FGF13: variants seen among roughly 807,000 people sequenced by gnomAD.
FGF13 encodes fibroblast growth factor homologous factor 2.
FGF13 carries 2 observed loss-of-function variants against 19.5 expected under a neutral mutation model. That is an observed-to-expected ratio of 0.10 (90% CI 0.04 to 0.32). FGF13 has a LOEUF of 0.32. Among genes scored for constraint, FGF13 ranks in the 10% least tolerant of loss-of-function variants. The pLI, the probability that FGF13 is intolerant of heterozygous loss-of-function variation, is 1.00. For synonymous variants in FGF13, 72 were observed against 76.9 expected (o/e 0.94, Z 0.33); for missense variants, 113 against 192.7 (o/e 0.59, Z 2.45).
chrX:138,697,774 T>C (rs1210577203), intron 3 of FGF13, among the ~76,000 whole-genome samples: 2 of 111,796 alleles, frequency 1.8e-5, no homozygotes, highest in Non-Finnish European at 3.8e-5. Context: ...GTTTCTAATA[T>C]CTGTTATTTC....
chrX:138,935,245 C>T (rs971540017), intron 1 of FGF13, among the ~76,000 whole-genome samples: 2 of 111,358 alleles, frequency 1.8e-5, no homozygotes, highest in African/African-American at 6.5e-5. Flanking sequence ...ATGTCAAATA[C>T]TGTGAGAAAG....
intron 1 of FGF13, among the ~76,000 whole-genome samples, chrX:139,111,524 T>C (rs886483706): frequency 2.7e-5 from 3 of 112,076 alleles, no homozygotes. Context: ...AATAACTTTA[T>C]TGCTTCTAAA....
At chrX:139,097,919 T>C (rs1420910941) in intron 1 of FGF13, among the ~76,000 whole-genome samples, 1 of 112,484 alleles carries the variant, frequency 8.9e-6, no homozygotes, top group East Asian at 2.8e-4. Context: ...GGCTTTTAAG[T>C]ATAGGTAACA....
chrX:139,111,134 G>T (rs943627691), intron 1 of FGF13, among the ~76,000 whole-genome samples: 17 of 112,272 alleles, frequency 1.5e-4, no homozygotes, highest in Admixed American at 1.4e-3. Context: ...AAAAGGCAGA[G>T]ATAGAGTGGA....
chrX:138,644,533 G>T (rs1242953727), intron 3 of FGF13, among the ~76,000 whole-genome samples: 1 of 111,143 alleles, frequency 9.0e-6, no homozygotes, highest in Non-Finnish European at 1.9e-5. Context: ...ACCTGCCTTG[G>T]CCTCGCAAAG....
chrX:138,815,815 A>G (rs1353241012), intron 3 of FGF13, among the ~76,000 whole-genome samples: 3 of 111,265 alleles, frequency 2.7e-5, no homozygotes, highest in African/African-American at 9.8e-5. Context: ...AATAAATTCC[A>G]AATGGATCAG....
intron 1 of FGF13, among the ~76,000 whole-genome samples, chrX:138,730,512 C>T (rs1232355769): frequency 9.0e-6 from 1 of 111,042 alleles, no homozygotes; most frequent in African/African-American, 3.3e-5. Flanking sequence ...AAATGTCTTA[C>T]CTTGTTTGTG....
At chrX:138,636,332 C>T (rs768503204) in intron 3 of FGF13, among the ~76,000 whole-genome samples, 3 of 111,540 alleles carry the variant, frequency 2.7e-5, no homozygotes, top group Non-Finnish European at 5.6e-5. Flanking sequence ...TACTAGCAGA[C>T]ACGATAGAGC....
chrX:139,061,515 A>G (rs1264973249), intron 1 of FGF13, among the ~76,000 whole-genome samples: 2 of 111,622 alleles, frequency 1.8e-5, no homozygotes, highest in East Asian at 5.6e-4. Flanking sequence ...ATGTGATGCC[A>G]TCCACAATAT....
chrX:138,694,756 G>A (rs1256867774), intron 3 of FGF13, among the ~76,000 whole-genome samples: 18 of 109,560 alleles, frequency 1.6e-4, no homozygotes, highest in African/African-American at 3.3e-4. Flanking sequence ...GATTACAGGC[G>A]TGAGCCCACG....
rs766975157 is a variant in FGF13, at chrX:138,906,017, AT to A, written c.-112-41368del. 8.3e-3 allele frequency among the ~76,000 whole-genome samples: 925 copies of A among 111,531 alleles called. 5 individuals are homozygous for A. Among genetic ancestry groups the A allele is most frequent in the Non-Finnish European group, 0.013 (701 of 53,138 alleles). On this transcript the variant is annotated intron_variant, in intron 1 of 2. Transcript: ENST00000421460. ...AATGAAACATCCATCTCATATGGTCATTTTATCGAAAGAGTTTTACAGGGCC... is the reference window on the plus strand; with the variant it reads ...AATGAAACATCCATCTCATATGGTCATTTATCGAAAGAGTTTTACAGGGCC...
intron 1 of FGF13, among the ~76,000 whole-genome samples, chrX:138,965,916 G>A (rs1276520670): frequency 8.9e-6 from 1 of 112,131 alleles, no homozygotes; most frequent in Non-Finnish European, 1.9e-5. Context: ...TTTTATTTTT[G>A]TTTTACATTT....
At chrX:138,861,705 A>T (rs1473877876) in intron 2 of FGF13, among the ~76,000 whole-genome samples, 1 of 112,498 alleles carries the variant, frequency 8.9e-6, no homozygotes, top group Non-Finnish European at 1.9e-5. Flanking sequence ...CAACAAGTCT[A>T]AAGTAAGACA....
intron 3 of FGF13, among the ~76,000 whole-genome samples, chrX:138,805,308 A>C (rs775951322): frequency 1.4e-4 from 16 of 112,173 alleles, no homozygotes; most frequent in Non-Finnish European, 3.0e-4. Flanking sequence ...AAACCCATTT[A>C]AAATACTTTG....
intron 3 of FGF13, among the ~76,000 whole-genome samples, chrX:138,747,081 A>G: frequency 9.0e-6 from 1 of 111,542 alleles, no homozygotes. Flanking sequence ...GTGCCCACCA[A>G]TTCTCATCAG....
At chrX:138,736,877 G>A (rs1384867608) in intron 1 of FGF13, among the ~76,000 whole-genome samples, 1 of 110,327 alleles carries the variant, frequency 9.1e-6, no homozygotes, top group East Asian at 2.9e-4. Context: ...ACTTAGAAAA[G>A]AACACGAAAG....
rs1036684328 is a variant in FGF13 at position 138,628,858 on chromosome X, T to C, written c.*3992A>G. ...CCCTCTCAGTCCTTTAAGGATTCCA[T>C]GGCAATGAGCATGTCCTCTCTTTGG... On this transcript the variant is annotated 3_prime_UTR_variant, in exon 5 of 5. Coordinates refer to ENST00000315930, the MANE Select transcript of FGF13 (RefSeq NM_004114.5). 5.4e-5 allele frequency: 6 copies of C among 111,942 alleles called. No homozygotes were observed. Among genetic ancestry groups the C allele is most frequent in the Non-Finnish European group, 3.8e-5 (2 of 53,242 alleles). 9.2% of individuals were successfully genotyped at this position (111,942 alleles called of 1,213,427 possible).
At chrX:138,732,700 A>G (rs2124291887) in intron 1 of FGF13, among the ~76,000 whole-genome samples, 1 of 111,248 alleles carries the variant, frequency 9.0e-6, no homozygotes, top group East Asian at 2.8e-4. Flanking sequence ...AAAAACTGAT[A>G]AAAGTACTTA....
chrX:138,707,655 T>G (rs764173934), intron 2 of FGF13, among the ~76,000 whole-genome samples: 46 of 112,278 alleles, frequency 4.1e-4, no homozygotes, highest in African/African-American at 1.4e-3. Context: ...AACTTTAATA[T>G]CACAACAGTG....
Sources: allele counts gnomAD v4.1 joint callset (sites outside exome capture counted in the v4.1 genomes callset), GRCh38; gene constraint gnomAD v4.1.1; transcripts MANE v1.5; gene names NCBI Gene and HGNC (gene_info 2026-07-23, HGNC 2026-07-21).